Variants in ASIC2 observed in about 807,000 individuals in gnomAD.
ASIC2 encodes the protein acid-sensing ion channel 2.
In ASIC2, 25 loss-of-function variants were observed where a neutral mutation model predicts 57.3. That is an observed-to-expected ratio of 0.44 (90% CI 0.32 to 0.61). The LOEUF is 0.61. Ranked by LOEUF, ASIC2 falls within the 20% of genes least tolerant of loss-of-function variation. ASIC2 has a pLI of 0.06. For synonymous variants in ASIC2, 319 were observed against 307.5 expected (o/e 1.04, Z -0.39); for missense variants, 641 against 738.1 (o/e 0.87, Z 1.52).
chr17:33,854,573 T>G (rs1005109417), intron 1 of ASIC2, among the ~76,000 whole-genome samples: 2 of 152,198 alleles, frequency 1.3e-5, no homozygotes, highest in Non-Finnish European at 2.9e-5. Flanking sequence ...TGCCCCAGGA[T>G]TCCCTCAAAG....
At chr17:33,991,730 T>A (rs1420098842) in intron 1 of ASIC2, among the ~76,000 whole-genome samples, 1 of 152,228 alleles carries the variant, frequency 6.6e-6, no homozygotes, top group Non-Finnish European at 1.5e-5. Context: ...AATAACTTAA[T>A]GAGATTATTA....
intron 1 of ASIC2, among the ~76,000 whole-genome samples, chr17:33,265,494 A>T (rs188649145): frequency 6.6e-6 from 1 of 152,182 alleles, no homozygotes; most frequent in African/African-American, 2.4e-5. Context: ...AACAACACAC[A>T]CTGGGGCCTG....
intron 1 of ASIC2, among the ~76,000 whole-genome samples, chr17:33,811,848 C>A (rs1456304285): frequency 6.6e-6 from 1 of 152,188 alleles, no homozygotes; most frequent in African/African-American, 2.4e-5. Context: ...GCATTCCTAT[C>A]GGTCATGTTT....
chr17:33,936,792 G>C (rs914245706), intron 1 of ASIC2: 1 of 152,210 alleles, frequency 6.6e-6, no homozygotes, highest in African/African-American at 2.4e-5. Context: ...CTGAGATCAC[G>C]TCTATATCGA....
At chr17:34,113,395 T>A (rs1911334587) in intron 1 of ASIC2, among the ~76,000 whole-genome samples, 2 of 151,964 alleles carry the variant, frequency 1.3e-5, no homozygotes. Context: ...ACCTTGTCTC[T>A]ACTAGAAATC....
chr17:33,393,095 C>G (rs529062297), intron 1 of ASIC2, among the ~76,000 whole-genome samples: 31 of 152,286 alleles, frequency 2.0e-4, no homozygotes, highest in Non-Finnish European at 3.8e-4. Flanking sequence ...CAGCTCCTTG[C>G]TGCCTTGTCC....
rs1213167607 is a variant in ASIC2, at chr17:33,159,501, T to C, written c.709-47434A>G. On this transcript the variant is annotated intron_variant, in intron 1 of 9. Coordinates refer to ENST00000225823, the MANE Select transcript of ASIC2 (RefSeq NM_183377.2). Reference sequence around the variant, plus strand: ...GTTTTATTGATGGGAAAACTGAGGCTCCGAGAAGTAAAGGATCAGAGTTCA... The same window carrying C: ...GTTTTATTGATGGGAAAACTGAGGCCCCGAGAAGTAAAGGATCAGAGTTCA... Among the ~76,000 whole-genome samples the C allele has an allele frequency of 2.0e-5, 3 of 152,290 alleles. No homozygotes were observed. The East Asian group carries it at 5.8e-4, about 29-fold the overall frequency.
chr17:33,716,239 A>G (rs1412493683), intron 1 of ASIC2, among the ~76,000 whole-genome samples: 3 of 152,240 alleles, frequency 2.0e-5, no homozygotes, highest in Non-Finnish European at 4.4e-5. Flanking sequence ...TTTCACAAAC[A>G]AATCTGATCA....
chr17:34,103,047 TTC>T (rs1468910846), intron 1 of ASIC2, among the ~76,000 whole-genome samples: 15 of 152,374 alleles, frequency 9.8e-5, no homozygotes, highest in African/African-American at 3.6e-4. Context: ...AATAGCAGTC[TTC>T]TGTCAGAAAT....
rs185546679 is a variant in ASIC2, at chr17:34,091,335, G to T, written c.555+64643C>A. The stretch of plus-strand genomic sequence containing the variant: ...AGCAGTTTATGTAAAAACAAGAGGG[G>T]ATGAGTGAGTCAAATCTAAATAGCC... On this transcript the variant is annotated intron_variant, in intron 1 of 9. Coordinates refer to the ASIC2 transcript ENST00000359872. Among the ~76,000 whole-genome samples the T allele has an allele frequency of 2.1e-3, 316 of 152,358 alleles. 4 individuals carry two copies. Among genetic ancestry groups the T allele is most frequent in the Non-Finnish European group, 2.1e-4 (14 of 68,038 alleles).
intron 3 of ASIC2, among the ~76,000 whole-genome samples, chr17:33,044,578 C>A (rs1448674547): frequency 2.6e-5 from 4 of 152,040 alleles, no homozygotes; most frequent in Admixed American, 6.6e-5. Flanking sequence ...GTCAGGCTGG[C>A]CTCAAACTCC....
At chr17:33,661,080 A>G (rs997506911) in intron 1 of ASIC2, among the ~76,000 whole-genome samples, 1 of 152,032 alleles carries the variant, frequency 6.6e-6, no homozygotes, top group African/African-American at 2.4e-5. Flanking sequence ...GCTCCCGGGG[A>G]GAAGCCAAGC....
intron 1 of ASIC2, among the ~76,000 whole-genome samples, chr17:33,484,961 C>G (rs1038061371): frequency 1.3e-5 from 2 of 152,246 alleles, no homozygotes; most frequent in African/African-American, 4.8e-5. Flanking sequence ...TGGGGTAGCC[C>G]TGCTCTGCAG....
Position 34,156,236 on chromosome 17 carries a change from G to A in ASIC2, c.297C>T (p.Phe99=). The A allele has an allele frequency of 6.2e-7, 1 of 1,614,128 alleles. No homozygotes were observed. ...ACAGGTCATTGGTGGTGAGCCTGGA[G>A]AACCGGAAGCCATTCAGGTTACAGA... Residue 99 remains phenylalanine, a synonymous_variant, in exon 1 of 10, where the codon TTC becomes TTT. Transcript: ENST00000359872. This position sits in a 1 kb window ranked among gnomAD's most constrained non-coding sequence, Gnocchi z 4.4.
intron 1 of ASIC2, among the ~76,000 whole-genome samples, chr17:33,437,222 C>T (rs1190812542): frequency 6.6e-6 from 1 of 152,080 alleles, no homozygotes; most frequent in Admixed American, 6.5e-5. Flanking sequence ...TCATAGCTCA[C>T]TGCAACCTTG....
chr17:33,201,654 G>A (rs1906863642), intron 1 of ASIC2, among the ~76,000 whole-genome samples: 1 of 152,122 alleles, frequency 6.6e-6, no homozygotes, highest in South Asian at 2.1e-4. Flanking sequence ...CTTCTACTCT[G>A]GGCACACTGC....
At chr17:34,019,217 C>T (rs1027707902) in intron 1 of ASIC2, among the ~76,000 whole-genome samples, 3 of 151,858 alleles carry the variant, frequency 2.0e-5, no homozygotes, top group Non-Finnish European at 2.9e-5. Context: ...AAAGTAGATT[C>T]TTGAGACAGA....
In ASIC2 at chr17:33,787,424, TAGG is replaced by T. The variant is rs1241234622; in HGVS notation, c.555+368551_555+368553del. ...AGTGTTCCCTTCAGAGCAGAGCTGA[TAGG>T]AGAATATTCAGATGTAATAAAAGGA... On this transcript the variant is annotated intron_variant, in intron 1 of 9. Coordinates refer to the ASIC2 transcript ENST00000359872. 9.2e-5 allele frequency among the ~76,000 whole-genome samples: 14 copies of T among 152,256 alleles called. No individual in the cohort carries two copies. The East Asian group carries it at 2.7e-3, about 29-fold the overall frequency.
chr17:33,925,013 A>G (rs2141967605), intron 1 of ASIC2, among the ~76,000 whole-genome samples: 1 of 152,338 alleles, frequency 6.6e-6, no homozygotes, highest in Non-Finnish European at 1.5e-5. Context: ...CTCTATACTC[A>G]GCTGAGCAGA....
Sources: allele counts gnomAD v4.1 joint callset (sites outside exome capture counted in the v4.1 genomes callset), GRCh38; gene constraint gnomAD v4.1.1; non-coding constraint Gnocchi (gnomAD v3.1); transcripts MANE v1.5; gene names NCBI Gene and HGNC (gene_info 2026-07-23, HGNC 2026-07-21).